KCNJ10: variants seen among roughly 807,000 people sequenced by gnomAD.
KCNJ10 encodes potassium inwardly rectifying channel subfamily J member 10, also known as ATP-sensitive inward rectifier potassium channel 10.
A neutral mutation model predicts 22.2 loss-of-function variants in KCNJ10; 9 were observed. The ratio of observed to expected loss-of-function variants is 0.40; its 90% CI spans 0.24 to 0.71. The LOEUF (loss-of-function observed/expected upper bound fraction) is 0.71, where lower values mean the gene tolerates loss of function less well. Among genes scored for constraint, KCNJ10 ranks in the 30% least tolerant of loss-of-function variants. The pLI is 0.35. For synonymous variants in KCNJ10, 184 were observed against 187.3 expected (o/e 0.98, Z 0.15); for missense variants, 337 against 482.7 (o/e 0.70, Z 2.83).
intron 1 of KCNJ10, chr1:160,064,859 TA>T (rs2101936287): frequency 6.6e-6 from 1 of 152,438 alleles, no homozygotes; most frequent in South Asian, 2.1e-4. Context: ...AGGTCAGACC[TA>T]TACCCCACTT....
At chr1:160,065,133 G>A (rs1649290176) in intron 1 of KCNJ10, 2 of 152,126 alleles carry the variant, frequency 1.3e-5, no homozygotes, top group South Asian at 4.2e-4. Context: ...GGGTTCTAGG[G>A]CTTGTAATCT....
intron 1 of KCNJ10, among the ~76,000 whole-genome samples, chr1:160,049,717 A>ATTTT (rs1159481468): frequency 8.8e-6 from 1 of 113,768 alleles, no homozygotes; most frequent in Admixed American, 9.5e-5. Flanking sequence ...ATATATATAT[A>ATTTT]TATGTTATCC....
At chr1:160,047,822 C>A (rs931605138) in intron 1 of KCNJ10, among the ~76,000 whole-genome samples, 2 of 152,190 alleles carry the variant, frequency 1.3e-5, no homozygotes, top group Non-Finnish European at 1.5e-5. Flanking sequence ...CTCGCTACAA[C>A]CTCTGCCTCC....
At position 160,038,975 on chromosome 1, in the gene KCNJ10, G is replaced by A. The variant is rs996752207; in HGVS notation, c.*2418C>T. The A allele has an allele frequency of 6.6e-6, 1 of 152,456 alleles. No homozygotes were observed. The highest frequency in any genetic ancestry group is 1.5e-5 in the Non-Finnish European group (1 of 68,070). The allele number at this position is 152,456 out of a possible 1,614,324, so 9.4% of individuals were successfully genotyped here. A position where few individuals can be genotyped will look rare whatever the true frequency, so the allele number is the denominator to read the frequency against. Reference sequence around the variant, plus strand: ...TGCTGATATTCCAAGTCCACAGTTGGTATGGGGGCCCATTTCTCACCAGAC... The same window carrying A: ...TGCTGATATTCCAAGTCCACAGTTGATATGGGGGCCCATTTCTCACCAGAC... On this transcript the variant is annotated 3_prime_UTR_variant, in exon 2 of 2. Coordinates refer to ENST00000644903, the MANE Select transcript of KCNJ10 (RefSeq NM_002241.5).
intron 1 of KCNJ10, among the ~76,000 whole-genome samples, chr1:160,049,717 A>ATG (rs1159481468): frequency 3.5e-5 from 4 of 113,774 alleles, no homozygotes; most frequent in African/African-American, 1.0e-4. Context: ...ATATATATAT[A>ATG]TATGTTATCC....
Position 160,057,530 on chromosome 1 carries a change from G to A in KCNJ10, c.-1+12492C>T, listed in dbSNP as rs1304004629. On this transcript the variant is annotated intron_variant, in intron 1 of 1. Transcript: ENST00000644903. The stretch of plus-strand genomic sequence containing the variant: ...GCCAAGAGGTGGGCAAGTGTGTGCT[G>A]AAGACTGCTGAGTAGAGCCAAGTTC... 2.6e-5 allele frequency among the ~76,000 whole-genome samples: 4 copies of A among 152,326 alleles called. No homozygotes were observed. In the East Asian group the frequency reaches 7.7e-4, roughly 29 times the overall value.
chr1:160,051,691 C>T (rs560832507), intron 1 of KCNJ10, among the ~76,000 whole-genome samples: 20 of 152,190 alleles, frequency 1.3e-4, no homozygotes, highest in African/African-American at 4.1e-4. Context: ...GGGTTGGAGG[C>T]GACGCCCTTC....
At chr1:160,055,535 G>C (rs113818743) in intron 1 of KCNJ10, among the ~76,000 whole-genome samples, 1,589 of 152,232 alleles carry the variant, frequency 0.01, 25 homozygotes, top group African/African-American at 0.036. Context: ...GCCATTTCTA[G>C]GTTTTGTGAT....
intron 1 of KCNJ10, among the ~76,000 whole-genome samples, chr1:160,061,943 G>A (rs1262229457): frequency 5.9e-5 from 9 of 152,108 alleles, no homozygotes; most frequent in Middle Eastern, 6.8e-3. Context: ...TATGAGCCCC[G>A]GGGAGTCCTG....
intron 1 of KCNJ10, among the ~76,000 whole-genome samples, chr1:160,067,356 A>T (rs1649344695): frequency 6.6e-6 from 1 of 152,202 alleles, no homozygotes; most frequent in Non-Finnish European, 1.5e-5. Context: ...CAAATGAGGG[A>T]AGAAAAGCAT....
At chr1:160,050,912 A>T (rs1030654039) in intron 1 of KCNJ10, among the ~76,000 whole-genome samples, 2 of 151,838 alleles carry the variant, frequency 1.3e-5, no homozygotes, top group African/African-American at 4.8e-5. Flanking sequence ...GGCTTCCTCC[A>T]TGGTGCTCCA....
At position 160,041,331 on chromosome 1, in the gene KCNJ10, C is replaced by T; in HGVS notation, c.*62G>A. 1 of 1,509,604 alleles carries T rather than the reference C, an allele frequency of 6.6e-7. No individual in the cohort carries two copies. Among genetic ancestry groups the T allele is most frequent in the Non-Finnish European group, 9.1e-7 (1 of 1,096,806 alleles). 93.5% of individuals were successfully genotyped at this position (1,509,604 alleles called of 1,614,324 possible). The stretch of plus-strand genomic sequence containing the variant: ...TCTCCAGTAAACCCGGGTAGTATTC[C>T]TTACCAGGGCATTGGAAGAGAGGAA... On this transcript the variant is annotated 3_prime_UTR_variant, in exon 2 of 2. Coordinates refer to ENST00000644903, the MANE Select transcript of KCNJ10 (RefSeq NM_002241.5). This position sits in a 1 kb window ranked among gnomAD's most constrained non-coding sequence, Gnocchi z 4.4.
intron 1 of KCNJ10, among the ~76,000 whole-genome samples, chr1:160,046,613 G>A (rs543128572): frequency 1.9e-3 from 292 of 152,284 alleles, no homozygotes; most frequent in Non-Finnish European, 1.4e-3. Context: ...TGTAGTGCCT[G>A]TGGTTGCCAG....
In KCNJ10 at chr1:160,042,481, G is replaced by A. The variant is rs138457635; in HGVS notation, c.52C>T (p.Arg18Trp). ...CGTATCCCTGGGCCCATTAGGGGCC[G>A]GCTTTCTGTCTGAGTGGTCTGACTG... ...YYSQTTQTES[R>W]PLMGPGIRRR... Residue 18 changes from arginine (R) to tryptophan (W), a missense_variant, in exon 2 of 2, where the codon CGG becomes TGG. Around this residue, in one of 3 missense-constraint regions of KCNJ10, gnomAD observed 107 missense variants for 135.2 expected, o/e 0.79. Transcript: ENST00000644903. 1,214 of 1,614,036 alleles carry A rather than the reference G, an allele frequency of 7.5e-4. No individual in the cohort carries two copies. The highest frequency in any genetic ancestry group is 9.5e-4 in the Non-Finnish European group (1,120 of 1,180,028).
At chr1:160,050,841 G>T (rs1414367150) in intron 1 of KCNJ10, among the ~76,000 whole-genome samples, 3 of 152,092 alleles carry the variant, frequency 2.0e-5, no homozygotes, top group Non-Finnish European at 4.4e-5. Context: ...ATTCCTTCAT[G>T]GCCAGCTGCA....
At chr1:160,069,214 C>G (rs1649394672) in intron 1 of KCNJ10, among the ~76,000 whole-genome samples, 1 of 152,208 alleles carries the variant, frequency 6.6e-6, no homozygotes, top group Non-Finnish European at 1.5e-5. Context: ...GGGTTCAGCT[C>G]TCCTCCCCCA....
chr1:160,056,797 C>T (rs1649052022), intron 1 of KCNJ10, among the ~76,000 whole-genome samples: 1 of 152,204 alleles, frequency 6.6e-6, no homozygotes, highest in Non-Finnish European at 1.5e-5. Context: ...GTCAACTATA[C>T]AGCATGTGAG....
chr1:160,040,981 T>C lies in KCNJ10; in HGVS notation c.*412A>G. 3.2e-6 allele frequency: 1 copy of C among 314,252 alleles called. No individual in the cohort carries two copies. The highest frequency in any genetic ancestry group is 5.5e-5 in the South Asian group (1 of 18,198). The allele number at this position is 314,252 out of a possible 1,614,324, so 19.5% of individuals were successfully genotyped here. ...CAGAGAGAGTCTTGCCTTTGGGAACTTGCTAGATGGAAAGGTAACAGAGGG... is the reference window on the plus strand; with the variant it reads ...CAGAGAGAGTCTTGCCTTTGGGAACCTGCTAGATGGAAAGGTAACAGAGGG... On this transcript the variant is annotated 3_prime_UTR_variant, in exon 2 of 2. Transcript: ENST00000644903.
intron 1 of KCNJ10, among the ~76,000 whole-genome samples, chr1:160,053,024 C>G (rs183408677): frequency 6.6e-6 from 1 of 152,146 alleles, no homozygotes; most frequent in Non-Finnish European, 1.5e-5. Flanking sequence ...AGTGTGTGGC[C>G]GCTTACAGCT....
Sources: allele counts gnomAD v4.1 joint callset (sites outside exome capture counted in the v4.1 genomes callset), GRCh38; gene constraint gnomAD v4.1.1; regional missense constraint gnomAD v4.1.1; non-coding constraint Gnocchi (gnomAD v3.1); transcripts MANE v1.5; gene names NCBI Gene and HGNC (gene_info 2026-07-23, HGNC 2026-07-21).